Variants in PRKCA observed in about 807,000 individuals in gnomAD.
PRKCA encodes the protein protein kinase C alpha type.
PRKCA carries 27 observed loss-of-function variants against 87.0 expected under a neutral mutation model. That is an observed-to-expected ratio of 0.31 (90% CI 0.23 to 0.43). The LOEUF (loss-of-function observed/expected upper bound fraction) is 0.43. Among genes scored for constraint, PRKCA ranks in the 20% least tolerant of loss-of-function variants. The pLI is 1.00. For missense variants in PRKCA, 518 were observed against 852.3 expected (o/e 0.61, Z 4.88); for synonymous variants, 329 against 311.1 (o/e 1.06, Z -0.61).
chr17:66,373,356 C>T (rs57998857), intron 2 of PRKCA, among the ~76,000 whole-genome samples: 2,618 of 152,254 alleles, frequency 0.017, 72 homozygotes, highest in African/African-American at 0.059. Context: ...TGATGAGAGA[C>T]TTGTGGCCCA....
At chr17:66,577,532 T>C (rs1182265880) in intron 3 of PRKCA, among the ~76,000 whole-genome samples, 1 of 152,150 alleles carries the variant, frequency 6.6e-6, no homozygotes, top group Non-Finnish European at 1.5e-5. Context: ...TAGTCTCTTT[T>C]TCTGCAGGCC....
chr17:66,801,135 G>A (rs536818253), intron 16 of PRKCA, among the ~76,000 whole-genome samples: 9 of 152,246 alleles, frequency 5.9e-5, no homozygotes, highest in Admixed American at 4.6e-4. Context: ...TCTCACATAC[G>A]GCTGCTCCTG....
At chr17:66,744,427 AAAGCTT>A (rs1974227528) in intron 13 of PRKCA, among the ~76,000 whole-genome samples, 5 of 152,282 alleles carry the variant, frequency 3.3e-5, no homozygotes, top group Middle Eastern at 3.4e-3. Context: ...AGATGATGTA[AAAGCTT>A]AGTGATGGGG....
rs142499274 is a variant in PRKCA at position 66,356,555 on chromosome 17, C to T, written c.205+50428C>T. Among the ~76,000 whole-genome samples the T allele has an allele frequency of 3.5e-4, 54 of 152,140 alleles. No homozygotes were observed. The East Asian group carries it at 4.7e-3, about 13-fold the overall frequency. ...GAGGCTGACGCTTGAACCCAGGAGG[C>T]GGAGGTTGCAGTGAGCTGAGATCGT... On this transcript the variant is annotated intron_variant, in intron 2 of 16. Coordinates refer to ENST00000413366, the MANE Select transcript of PRKCA (RefSeq NM_002737.3).
At chr17:66,768,751 C>T (rs772498679) in intron 13 of PRKCA, among the ~76,000 whole-genome samples, 12 of 152,158 alleles carry the variant, frequency 7.9e-5, no homozygotes, top group Non-Finnish European at 1.2e-4. Flanking sequence ...GGAAATCCGC[C>T]CCCATGAGCC....
chr17:66,660,224 C>G (rs1174150776), intron 5 of PRKCA, among the ~76,000 whole-genome samples: 1 of 152,086 alleles, frequency 6.6e-6, no homozygotes, highest in Non-Finnish European at 1.5e-5. Flanking sequence ...TCTTCTGCTC[C>G]CCCCATCCAA....
intron 8 of PRKCA, among the ~76,000 whole-genome samples, chr17:66,698,082 G>T (rs1374512361): frequency 6.6e-6 from 1 of 152,190 alleles, no homozygotes; most frequent in Non-Finnish European, 1.5e-5. Flanking sequence ...CCATAGACAG[G>T]CTGACTGGTG....
At chr17:66,489,524 C>T (rs1033175579) in intron 2 of PRKCA, among the ~76,000 whole-genome samples, 1 of 151,620 alleles carries the variant, frequency 6.6e-6, no homozygotes, top group Admixed American at 6.6e-5. Context: ...CCTGAGGGGC[C>T]TCACTTCCAC....
intron 3 of PRKCA, among the ~76,000 whole-genome samples, chr17:66,569,629 GGGA>G (rs1969009888): frequency 6.6e-6 from 1 of 152,056 alleles, no homozygotes; most frequent in Non-Finnish European, 1.5e-5. Context: ...TAGAAAAATG[GGGA>G]GGAGATTTGT....
chr17:66,470,278 C>T (rs77817117), intron 2 of PRKCA, among the ~76,000 whole-genome samples: 140 of 142,064 alleles, frequency 9.9e-4, no homozygotes, highest in African/African-American at 3.9e-3. Flanking sequence ...TTCACTGTAA[C>T]CTCTGCCACC....
intron 2 of PRKCA, among the ~76,000 whole-genome samples, chr17:66,464,972 T>C (rs1005106971): frequency 1.3e-5 from 2 of 152,228 alleles, no homozygotes; most frequent in Admixed American, 1.3e-4. Flanking sequence ...CTTTCTCCTT[T>C]GTTATTTTGT....
intron 8 of PRKCA, among the ~76,000 whole-genome samples, chr17:66,711,445 C>T (rs534402661): frequency 6.4e-4 from 98 of 152,274 alleles, no homozygotes; most frequent in African/African-American, 2.3e-3. Flanking sequence ...CCAACTCAAT[C>T]GTTGCAATCT....
intron 8 of PRKCA, among the ~76,000 whole-genome samples, chr17:66,705,148 C>T (rs1392785665): frequency 6.6e-6 from 1 of 152,170 alleles, no homozygotes; most frequent in Non-Finnish European, 1.5e-5. Context: ...TTAATTACTT[C>T]CTTAACTGTG....
chr17:66,739,377 A>G (rs993542894), intron 11 of PRKCA, among the ~76,000 whole-genome samples: 2 of 152,190 alleles, frequency 1.3e-5, no homozygotes, highest in African/African-American at 4.8e-5. Flanking sequence ...ATATCCCATC[A>G]TCACCCAGGT....
intron 14 of PRKCA, among the ~76,000 whole-genome samples, chr17:66,783,556 C>T (rs1288299897): frequency 5.3e-5 from 8 of 152,218 alleles, no homozygotes; most frequent in Non-Finnish European, 7.3e-5. Flanking sequence ...CCTGGCAAAG[C>T]TGGTTCCCAT....
intron 2 of PRKCA, among the ~76,000 whole-genome samples, chr17:66,383,810 G>A (rs1269915565): frequency 2.0e-5 from 3 of 151,932 alleles, no homozygotes; most frequent in African/African-American, 7.2e-5. Flanking sequence ...AAAATTAGCC[G>A]GGTGTGGTGA....
chr17:66,413,943 G>A (rs1911967997), intron 2 of PRKCA, among the ~76,000 whole-genome samples: 1 of 151,748 alleles, frequency 6.6e-6, no homozygotes, highest in African/African-American at 2.4e-5. Flanking sequence ...GAACCAGGAG[G>A]CAGAGGTTGC....
chr17:66,753,691 G>A (rs900789624), intron 13 of PRKCA, among the ~76,000 whole-genome samples: 1 of 152,118 alleles, frequency 6.6e-6, no homozygotes, highest in African/African-American at 2.4e-5. Flanking sequence ...AGGTAATTAG[G>A]GGAGAATGAA....
chr17:66,809,438 T>C lies in PRKCA; in HGVS notation c.*5401T>C, dbSNP rs1976114772. 2.6e-5 allele frequency: 4 copies of C among 152,590 alleles called. No individual in the cohort carries two copies. Among genetic ancestry groups the C allele is most frequent in the Admixed American group, 2.6e-4 (4 of 15,284 alleles). 9.5% of individuals were successfully genotyped at this position (152,590 alleles called of 1,614,324 possible). A position where few individuals can be genotyped will look rare whatever the true frequency, so the allele number is the denominator to read the frequency against. On this transcript the variant is annotated 3_prime_UTR_variant, in exon 17 of 17. Transcript: ENST00000413366. ...GGAAGAAATTATTTGTTAATTCCAG[T>C]AGAGCAACTGAATATACTGGGCTAT...
Sources: allele counts gnomAD v4.1 joint callset (sites outside exome capture counted in the v4.1 genomes callset), GRCh38; gene constraint gnomAD v4.1.1; transcripts MANE v1.5; gene names NCBI Gene and HGNC (gene_info 2026-07-23, HGNC 2026-07-21).